The following FCHO2 variants were observed in gnomAD, a reference collection of about 807,000 sequenced individuals.
FCHO2 encodes the protein FCH and mu domain containing endocytic adaptor 2.
A neutral mutation model predicts 114.1 loss-of-function variants in FCHO2; 43 were observed. The observed-to-expected ratio is 0.38, with a 90% CI of 0.30 to 0.49. The LOEUF (loss-of-function observed/expected upper bound fraction) is 0.49. Ranked by LOEUF, FCHO2 falls within the 20% of genes least tolerant of loss-of-function variation. The pLI, the probability that FCHO2 is intolerant of heterozygous loss-of-function variation, is 0.97. For synonymous variants in FCHO2, 293 were observed against 315.2 expected (o/e 0.93, Z 0.75); for missense variants, 807 against 950.4 (o/e 0.85, Z 1.98).
At chr5:73,041,536 C>CT (rs1324204497) in intron 11 of FCHO2, among the ~76,000 whole-genome samples, 1 of 151,994 alleles carries the variant, frequency 6.6e-6, no homozygotes, top group African/African-American at 2.4e-5. Flanking sequence ...GAAGAGTGGA[C>CT]ATTTTACTTT....
intron 1 of FCHO2, among the ~76,000 whole-genome samples, chr5:72,965,016 A>C (rs1752115345): frequency 6.6e-6 from 1 of 151,990 alleles, no homozygotes; most frequent in Non-Finnish European, 1.5e-5. Flanking sequence ...AAAAAAAAAA[A>C]CAGTGTATAA....
Position 72,974,991 on chromosome 5 carries a change from G to A in FCHO2, c.125+6402G>A, listed in dbSNP as rs966981797. On this transcript the variant is annotated intron_variant, in intron 2 of 25. Transcript: ENST00000430046. The stretch of plus-strand genomic sequence containing the variant: ...TTAGTTTGACTGGATATGAAATTCG[G>A]GGTTGAAAATTCTTTTCTTTAAGAA... Among the ~76,000 whole-genome samples, 3 of 152,118 alleles carry A rather than the reference G, an allele frequency of 2.0e-5. No individual in the cohort carries two copies. The East Asian group carries it at 5.8e-4, about 29-fold the overall frequency.
At chr5:73,031,547 G>A (rs181011726) in intron 8 of FCHO2, among the ~76,000 whole-genome samples, 7 of 152,246 alleles carry the variant, frequency 4.6e-5, no homozygotes, top group Admixed American at 2.6e-4. Flanking sequence ...AAAGATTACC[G>A]TTCAGTAAGT....
chr5:72,957,181 ATATAC>A (rs760134898), intron 1 of FCHO2, among the ~76,000 whole-genome samples: 5 of 152,134 alleles, frequency 3.3e-5, no homozygotes, highest in Non-Finnish European at 7.3e-5. Flanking sequence ...CAAAGAACGT[ATATAC>A]TAGACCTTAG....
chr5:73,002,535 A>C (rs1287925945), intron 5 of FCHO2, among the ~76,000 whole-genome samples: 1 of 152,216 alleles, frequency 6.6e-6, no homozygotes, highest in Admixed American at 6.5e-5. Flanking sequence ...AATCATAGCA[A>C]AATATTATTT....
Position 72,988,161 on chromosome 5 carries a change from C to G in FCHO2, c.126-1266C>G, listed in dbSNP as rs182453357. Among the ~76,000 whole-genome samples, 134 of 152,224 alleles carry G rather than the reference C, an allele frequency of 8.8e-4. 1 individual carries two copies. The highest frequency in any genetic ancestry group is 3.4e-3 in the Middle Eastern group (1 of 294). On this transcript the variant is annotated intron_variant, in intron 2 of 25. Coordinates refer to ENST00000430046, the MANE Select transcript of FCHO2 (RefSeq NM_138782.3). Reference sequence around the variant, plus strand: ...GTAGTGTTAAGAAGGCCAAACAGGCCGGGCGCAGTGGCTCATGCCTGTAAT... The same window carrying G: ...GTAGTGTTAAGAAGGCCAAACAGGCGGGGCGCAGTGGCTCATGCCTGTAAT...
chr5:73,022,669 G>A (rs1755692917), intron 8 of FCHO2, among the ~76,000 whole-genome samples: 1 of 152,168 alleles, frequency 6.6e-6, no homozygotes, highest in Non-Finnish European at 1.5e-5. Flanking sequence ...GTCATCTCCA[G>A]CTTAGTTCAA....
intron 8 of FCHO2, chr5:73,021,045 G>A (rs1755597664): frequency 9.6e-7 from 1 of 1,039,006 alleles, no homozygotes; most frequent in Non-Finnish European, 1.5e-6. Context: ...TGAATCCATG[G>A]AAGTTTACCT....
chr5:72,975,414 C>T (rs1437751384), intron 2 of FCHO2, among the ~76,000 whole-genome samples: 1 of 152,052 alleles, frequency 6.6e-6, no homozygotes, highest in African/African-American at 2.4e-5. Flanking sequence ...GTAACTTCTG[C>T]CCCCTGGATT....
intron 8 of FCHO2, among the ~76,000 whole-genome samples, chr5:73,034,173 A>G (rs1358231825): frequency 6.6e-6 from 1 of 152,158 alleles, no homozygotes; most frequent in East Asian, 1.9e-4. Flanking sequence ...CTTATTATTT[A>G]CCTGGCATTT....
chr5:73,025,383 T>C (rs1262071946), intron 8 of FCHO2, among the ~76,000 whole-genome samples: 1 of 149,848 alleles, frequency 6.7e-6, no homozygotes, highest in Non-Finnish European at 1.5e-5. Flanking sequence ...TAATTTTTTT[T>C]TTTTTTTTTT....
intron 8 of FCHO2, 67 bp from the exon 9 acceptor site, chr5:73,034,586 TAAAA>T (rs956556626): frequency 3.3e-6 from 4 of 1,213,044 alleles, no homozygotes; most frequent in East Asian, 5.2e-5. Flanking sequence ...ATTTAAAATG[TAAAA>T]AAAAAGTTTT....
rs185205165 is a variant in FCHO2 at position 72,967,700 on chromosome 5, A to G, written c.34-798A>G. 4.6e-3 allele frequency among the ~76,000 whole-genome samples: 694 copies of G among 151,874 alleles called. 18 individuals carry two copies. The highest frequency in any genetic ancestry group is 0.041 in the Admixed American group (625 of 15,254). ...AGTGGTGTGATTTCAGCTCACTGCAACCTCCACCTCCCGGGTTCAAGCGAT... is the reference window on the plus strand; with the variant it reads ...AGTGGTGTGATTTCAGCTCACTGCAGCCTCCACCTCCCGGGTTCAAGCGAT... On this transcript the variant is annotated intron_variant, in intron 1 of 25. Coordinates refer to ENST00000430046, the MANE Select transcript of FCHO2 (RefSeq NM_138782.3).
chr5:72,971,666 A>C (rs1363238401), intron 2 of FCHO2, among the ~76,000 whole-genome samples: 1 of 152,094 alleles, frequency 6.6e-6, no homozygotes, highest in East Asian at 1.9e-4. Context: ...GTTCACTCTA[A>C]TGGTAGTTTC....
At chr5:73,043,077 T>C (rs1168447532) in intron 11 of FCHO2, among the ~76,000 whole-genome samples, 1 of 152,108 alleles carries the variant, frequency 6.6e-6, no homozygotes, top group Non-Finnish European at 1.5e-5. Context: ...TACAGGCACA[T>C]GTCACCATGC....
At chr5:73,080,527 A>G (rs1173095975) in intron 22 of FCHO2, among the ~76,000 whole-genome samples, 3 of 152,238 alleles carry the variant, frequency 2.0e-5, no homozygotes, top group African/African-American at 4.8e-5. Flanking sequence ...TACTATAGCC[A>G]TTAAAAAGAA....
intron 8 of FCHO2, among the ~76,000 whole-genome samples, chr5:73,018,523 C>CTTTTT (rs70973220): frequency 1.5e-5 from 2 of 132,110 alleles, no homozygotes; most frequent in Admixed American, 7.6e-5. Context: ...TAACTTTCTT[C>CTTTTT]TTTTTTTTTT....
Position 73,078,355 on chromosome 5 carries a change from A to G in FCHO2, c.1980+43A>G, listed in dbSNP as rs776134613. 41 of 1,511,618 alleles carry G rather than the reference A, an allele frequency of 2.7e-5. No homozygotes were observed. In the Middle Eastern group the frequency reaches 8.2e-4, roughly 30 times the overall value. 93.6% of individuals were successfully genotyped at this position (1,511,618 alleles called of 1,614,324 possible). A position where few individuals can be genotyped will look rare whatever the true frequency, so the allele number is the denominator to read the frequency against. On this transcript the variant is annotated intron_variant, in intron 22 of 25. Transcript: ENST00000430046. ...GCAAAAATTCTAAATTAAAATATTA[A>G]AAAATGGAATCTAGCATATAAATGA...
intron 1 of FCHO2, among the ~76,000 whole-genome samples, chr5:72,968,159 C>T (rs926890195): frequency 3.3e-5 from 5 of 151,102 alleles, no homozygotes; most frequent in Admixed American, 6.6e-5. Flanking sequence ...CTCCTGACCT[C>T]GTGATCCGCC....
Sources: gnomAD v4.1 joint callset for allele counts (sites outside exome capture counted in the v4.1 genomes callset) on GRCh38, gnomAD v4.1.1 for gene constraint, MANE v1.5 for transcripts, NCBI Gene and HGNC (gene_info 2026-07-23, HGNC 2026-07-21) for gene names.